The following SHANK2 variants were observed in gnomAD, a reference collection of about 807,000 sequenced individuals.
SHANK2 encodes the protein SH3 and multiple ankyrin repeat domains protein 2.
In SHANK2, 43 loss-of-function variants were observed where a neutral mutation model predicts 133.7. The ratio of observed to expected loss-of-function variants is 0.32; its 90% CI spans 0.25 to 0.41. SHANK2 has a LOEUF of 0.41. SHANK2 is among the 10% of genes least tolerant of loss of function. The probability of loss-of-function intolerance (pLI) is 1.00; values close to 1 mark genes in which losing one functional copy is unlikely to be tolerated. For synonymous variants in SHANK2, 1,017 were observed against 952.8 expected (o/e 1.07, Z -1.24); for missense variants, 1,994 against 2,235.8 (o/e 0.89, Z 2.18).
At chr11:70,789,959 G>A (rs896569241) in intron 14 of SHANK2, among the ~76,000 whole-genome samples, 1 of 152,204 alleles carries the variant, frequency 6.6e-6, no homozygotes, top group African/African-American at 2.4e-5. Flanking sequence ...CATTTTCTCA[G>A]GGATAAACAG....
intron 3 of SHANK2, among the ~76,000 whole-genome samples, chr11:71,125,249 T>C (rs1555102420): frequency 1.3e-5 from 2 of 151,674 alleles, no homozygotes; most frequent in East Asian, 3.9e-4. Flanking sequence ...AAGCTAGGAG[T>C]GATTAAGCTT....
At chr11:70,675,845 C>G (rs567499978) in intron 15 of SHANK2, among the ~76,000 whole-genome samples, 1 of 152,202 alleles carries the variant, frequency 6.6e-6, no homozygotes, top group Admixed American at 6.5e-5. Context: ...AAAGCAAGGC[C>G]CCACACCTAA....
At chr11:70,582,687 G>A (rs1246544007) in intron 17 of SHANK2, among the ~76,000 whole-genome samples, 2 of 152,246 alleles carry the variant, frequency 1.3e-5, no homozygotes, top group South Asian at 2.1e-4. Context: ...CGGGGTCCCT[G>A]AAGGGGCCTT....
chr11:70,874,117 C>A (rs782275691), intron 11 of SHANK2, among the ~76,000 whole-genome samples: 1 of 152,080 alleles, frequency 6.6e-6, no homozygotes, highest in South Asian at 2.1e-4. Flanking sequence ...ATCCATCTAT[C>A]TAATCTATCC....
chr11:70,814,782 T>C (rs1178306534), intron 12 of SHANK2, among the ~76,000 whole-genome samples: 1 of 152,204 alleles, frequency 6.6e-6, no homozygotes, highest in Non-Finnish European at 1.5e-5. Flanking sequence ...CCTTCTTTCC[T>C]GCTGAGCTGA....
chr11:70,679,600 G>A (rs1441338692), intron 15 of SHANK2, among the ~76,000 whole-genome samples: 1 of 152,262 alleles, frequency 6.6e-6, no homozygotes, highest in Non-Finnish European at 1.5e-5. Context: ...GGTCAGGGCT[G>A]GGCCTGGGTC....
chr11:70,811,146 G>A (rs936295271), intron 12 of SHANK2, among the ~76,000 whole-genome samples: 2 of 152,156 alleles, frequency 1.3e-5, no homozygotes, highest in African/African-American at 4.8e-5. Context: ...GCTTCCTCCC[G>A]AGGGGAAAGG....
intron 3 of SHANK2, among the ~76,000 whole-genome samples, chr11:71,120,104 A>G (rs1375667814): frequency 1.3e-5 from 2 of 152,232 alleles, no homozygotes; most frequent in Non-Finnish European, 2.9e-5. Flanking sequence ...AATAGTGTCA[A>G]CAGGGCCTGC....
chr11:70,564,880 AT>A (rs1167000498), intron 17 of SHANK2, among the ~76,000 whole-genome samples: 7 of 152,200 alleles, frequency 4.6e-5, no homozygotes, highest in Non-Finnish European at 1.0e-4. Context: ...ATACAACAAA[AT>A]TTATCATATT....
At chr11:70,599,870 A>AGAAT in intron 17 of SHANK2, among the ~76,000 whole-genome samples, 1 of 100,082 alleles carries the variant, frequency 1.0e-5, no homozygotes, top group Non-Finnish European at 2.0e-5. Context: ...ATAAAAAGAA[A>AGAAT]GAAAGAAAGA....
At chr11:70,939,071 T>C (rs1555083896) in intron 10 of SHANK2, among the ~76,000 whole-genome samples, 1 of 152,010 alleles carries the variant, frequency 6.6e-6, no homozygotes, top group Admixed American at 6.6e-5. Context: ...CAAAGGGAGA[T>C]GACAGACCCT....
At chr11:70,814,863 C>T (rs1013835635) in intron 12 of SHANK2, among the ~76,000 whole-genome samples, 3 of 152,286 alleles carry the variant, frequency 2.0e-5, no homozygotes, top group African/African-American at 7.2e-5. Context: ...CCAGGGCAGC[C>T]CTTGGGACTG....
intron 17 of SHANK2, among the ~76,000 whole-genome samples, chr11:70,519,080 T>C (rs1554970556): frequency 6.6e-6 from 1 of 152,036 alleles, no homozygotes; most frequent in Admixed American, 6.6e-5. Flanking sequence ...GGGCTAATTT[T>C]TGTATTTTTT....
At chr11:70,563,299 G>C (rs782438695) in intron 17 of SHANK2, among the ~76,000 whole-genome samples, 21 of 152,284 alleles carry the variant, frequency 1.4e-4, no homozygotes, top group African/African-American at 2.6e-4. Flanking sequence ...TATCACTGCT[G>C]ATGTTCTACC....
At chr11:70,548,962 G>A (rs1331834912) in intron 17 of SHANK2, among the ~76,000 whole-genome samples, 1 of 152,074 alleles carries the variant, frequency 6.6e-6, no homozygotes, top group Admixed American at 6.5e-5. Flanking sequence ...GAAGCTGGAG[G>A]AGTAGGCAAG....
chr11:70,510,846 T>C (rs931880394), intron 17 of SHANK2, among the ~76,000 whole-genome samples: 3 of 152,204 alleles, frequency 2.0e-5, no homozygotes, highest in Admixed American at 6.5e-5. Flanking sequence ...TGTGACTCCA[T>C]TTTCCGGACA....
At chr11:70,620,240 T>C (rs782614394) in intron 17 of SHANK2, among the ~76,000 whole-genome samples, 1 of 152,120 alleles carries the variant, frequency 6.6e-6, no homozygotes, top group Non-Finnish European at 1.5e-5. Flanking sequence ...TCCTGGTGTC[T>C]GAGATGGGGA....
intron 17 of SHANK2, among the ~76,000 whole-genome samples, chr11:70,564,210 A>G (rs1222039461): frequency 2.0e-5 from 3 of 150,680 alleles, no homozygotes; most frequent in Non-Finnish European, 4.4e-5. Flanking sequence ...GTTTACTTCA[A>G]ATTTGGAAAA....
chr11:70,817,050 A>G (rs1948414475), intron 12 of SHANK2, among the ~76,000 whole-genome samples: 1 of 152,300 alleles, frequency 6.6e-6, no homozygotes, highest in Non-Finnish European at 1.5e-5. Flanking sequence ...CCGAATGCAT[A>G]TGGCCCTATG....
Sources: allele counts gnomAD v4.1 joint callset (sites outside exome capture counted in the v4.1 genomes callset), GRCh38; gene constraint gnomAD v4.1.1; transcripts MANE v1.5; gene names NCBI Gene and HGNC (gene_info 2026-07-23, HGNC 2026-07-21).